The following NAALADL2 variants were observed in gnomAD, a reference collection of about 807,000 sequenced individuals.
NAALADL2 encodes inactive N-acetylated-alpha-linked acidic dipeptidase-like protein 2.
In NAALADL2, 76 loss-of-function variants were observed where a neutral mutation model predicts 87.2. That is an observed-to-expected ratio of 0.87 (90% CI 0.72 to 1.05). NAALADL2 has a LOEUF of 1.05. NAALADL2 is among the 50% of genes least tolerant of loss of function. The pLI is 0.00. For synonymous variants in NAALADL2, 354 were observed against 331.0 expected (o/e 1.07, Z -0.75); for missense variants, 1,089 against 945.8 (o/e 1.15, Z -1.99).
rs375018936 is a variant in NAALADL2, at chr3:175,576,239, C to A, written c.1800+52C>A. The A allele has an allele frequency of 3.3e-4, 501 of 1,502,186 alleles. 2 individuals carry two copies. Among genetic ancestry groups the A allele is most frequent in the Non-Finnish European group, 9.5e-5 (105 of 1,108,310 alleles). 93.1% of individuals were successfully genotyped at this position (1,502,186 alleles called of 1,614,324 possible). ...ACACACACACAATATAGTAGACCTG[C>A]AGAATTTGATTTTATCCTGGCTATT... On this transcript the variant is annotated intron_variant, in intron 10 of 13. Transcript: ENST00000454872.
chr3:174,797,136 T>C (rs998634539), intron 3 of NAALADL2, among the ~76,000 whole-genome samples: 2 of 151,984 alleles, frequency 1.3e-5, no homozygotes, highest in African/African-American at 4.8e-5. Flanking sequence ...TTTTTGTATA[T>C]GGTGAGATAT....
At chr3:174,533,092 G>T (rs907880524) in intron 1 of NAALADL2, among the ~76,000 whole-genome samples, 2 of 108,704 alleles carry the variant, frequency 1.8e-5, no homozygotes, top group Non-Finnish European at 3.6e-5. Context: ...TTTCTTTTAC[G>T]TGCCCACCTT....
chr3:174,833,037 C>G (rs762032555), intron 3 of NAALADL2, among the ~76,000 whole-genome samples: 8 of 152,148 alleles, frequency 5.3e-5, no homozygotes, highest in Non-Finnish European at 1.2e-4. Flanking sequence ...CATTCTACCC[C>G]ACTTCCTTCA....
intron 5 of NAALADL2, among the ~76,000 whole-genome samples, chr3:175,327,030 G>C (rs1760794877): frequency 6.6e-6 from 1 of 150,958 alleles, no homozygotes; most frequent in Admixed American, 6.6e-5. Flanking sequence ...AAGTAATTTA[G>C]AACAACCCAA....
At chr3:174,485,182 G>A (rs906087980) in intron 1 of NAALADL2, among the ~76,000 whole-genome samples, 1 of 151,878 alleles carries the variant, frequency 6.6e-6, no homozygotes, top group Non-Finnish European at 1.5e-5. Flanking sequence ...ACCTAAAAAT[G>A]AAGTATAGCA....
chr3:174,692,825 A>G (rs946284770), intron 2 of NAALADL2, among the ~76,000 whole-genome samples: 1 of 151,774 alleles, frequency 6.6e-6, no homozygotes, highest in Non-Finnish European at 1.5e-5. Context: ...GCTGTGTAAA[A>G]TACTGCAATC....
chr3:174,914,848 A>T (rs552711719), intron 1 of NAALADL2, among the ~76,000 whole-genome samples: 30 of 152,156 alleles, frequency 2.0e-4, no homozygotes, highest in African/African-American at 7.0e-4. Flanking sequence ...GGGGTTTCAA[A>T]CTCAATAAGG....
At chr3:175,407,047 A>G (rs1712541333) in intron 5 of NAALADL2, among the ~76,000 whole-genome samples, 1 of 151,958 alleles carries the variant, frequency 6.6e-6, no homozygotes, top group Admixed American at 6.6e-5. Context: ...AGCCAGGTGT[A>G]GTGGCATGCA....
intron 13 of NAALADL2, among the ~76,000 whole-genome samples, chr3:175,756,601 A>G (rs551555314): frequency 7.6e-4 from 116 of 152,144 alleles, no homozygotes; most frequent in Non-Finnish European, 1.4e-3. Flanking sequence ...ATGTGCTCAC[A>G]TATAAGTTGG....
intron 9 of NAALADL2, among the ~76,000 whole-genome samples, chr3:175,507,165 T>C (rs1466828096): frequency 6.6e-6 from 1 of 152,014 alleles, no homozygotes; most frequent in African/African-American, 2.4e-5. Flanking sequence ...GTTCCCTCTG[T>C]CTGTAGATAC....
intron 2 of NAALADL2, among the ~76,000 whole-genome samples, chr3:175,116,296 C>A (rs1030566863): frequency 6.6e-6 from 1 of 151,908 alleles, no homozygotes; most frequent in Non-Finnish European, 1.5e-5. Context: ...TCAAATTATC[C>A]CTGTTTGCAG....
chr3:174,478,168 A>G (rs1717330145), intron 1 of NAALADL2, among the ~76,000 whole-genome samples: 2 of 152,170 alleles, frequency 1.3e-5, no homozygotes, highest in African/African-American at 4.8e-5. Context: ...GTGTTTTTAG[A>G]AACTTACGAC....
chr3:175,069,767 G>A (rs1366237205), intron 1 of NAALADL2, among the ~76,000 whole-genome samples: 1 of 151,764 alleles, frequency 6.6e-6, no homozygotes, highest in Non-Finnish European at 1.5e-5. Flanking sequence ...CAACGCAAAT[G>A]TCCAACAATG....
intron 13 of NAALADL2, among the ~76,000 whole-genome samples, chr3:175,767,379 CA>C (rs1748850026): frequency 6.6e-6 from 1 of 152,030 alleles, no homozygotes; most frequent in Admixed American, 6.6e-5. Context: ...TAAAAAACTG[CA>C]ACAAACCCTC....
chr3:175,551,087 CGTGT>C (rs60306944), intron 9 of NAALADL2, among the ~76,000 whole-genome samples: 1 of 149,310 alleles, frequency 6.7e-6, no homozygotes, highest in East Asian at 2.0e-4. Flanking sequence ...TGTGTCTCTG[CGTGT>C]GTGTGTGTGT....
chr3:175,147,005 C>A (rs992880416), intron 2 of NAALADL2, among the ~76,000 whole-genome samples: 1 of 152,072 alleles, frequency 6.6e-6, no homozygotes, highest in African/African-American at 2.4e-5. Flanking sequence ...TGGGTAAAAG[C>A]ACTGATTTTT....
chr3:175,558,055 C>T (rs565477752), intron 9 of NAALADL2, among the ~76,000 whole-genome samples: 16 of 151,700 alleles, frequency 1.1e-4, no homozygotes, highest in African/African-American at 2.7e-4. Flanking sequence ...CTTAGCCGGG[C>T]GTGGTGGCGG....
Position 174,472,434 on chromosome 3 carries a change from T to C in NAALADL2, c.-184+31402T>C, listed in dbSNP as rs1716962798. ...AGTACTTGTCTTCAGAAAGTACCAA[T>C]ATGAGTGTGAGTGTATGTGTGTTGG... On this transcript the variant is annotated intron_variant, in intron 1 of 3. Transcript: ENST00000434257. 2.0e-5 allele frequency among the ~76,000 whole-genome samples: 3 copies of C among 152,116 alleles called. No individual in the cohort carries two copies. In the South Asian group the frequency reaches 6.2e-4, roughly 32 times the overall value.
At chr3:175,374,422 C>T (rs867686251) in intron 5 of NAALADL2, among the ~76,000 whole-genome samples, 8 of 150,534 alleles carry the variant, frequency 5.3e-5, no homozygotes, top group Middle Eastern at 3.4e-3. Context: ...GGCTTGGTGG[C>T]GGGTGCTTGT....
Sources: gnomAD v4.1 joint callset for allele counts (sites outside exome capture counted in the v4.1 genomes callset) on GRCh38, gnomAD v4.1.1 for gene constraint, MANE v1.5 for transcripts, NCBI Gene and HGNC (gene_info 2026-07-23, HGNC 2026-07-21) for gene names.